Variants in ANXA8 observed in about 807,000 individuals in gnomAD.
The protein encoded by ANXA8 is VAC-beta.
ANXA8 carries 9 observed loss-of-function variants against 26.8 expected under a neutral mutation model. That is an observed-to-expected ratio of 0.34 (90% CI 0.20 to 0.59). The LOEUF is 0.59. Ranked by LOEUF, ANXA8 falls within the 20% of genes least tolerant of loss-of-function variation. The pLI is 0.84. For missense variants in ANXA8, 83 were observed against 238.5 expected (o/e 0.35, Z 4.29); for synonymous variants, 39 against 94.8 (o/e 0.41, Z 3.42).
chr10:47,895,295 G>A, the ANXA8 span, among the ~76,000 whole-genome samples: 10 of 152,324 alleles, frequency 6.6e-5, no homozygotes, highest in East Asian at 1.9e-3. Context: ...AGTGCTTGGA[G>A]GGACACCCCA....
the ANXA8 span, among the ~76,000 whole-genome samples, chr10:47,716,069 G>A: frequency 6.8e-6 from 1 of 147,790 alleles, no homozygotes; most frequent in African/African-American, 2.6e-5. Flanking sequence ...ACCACACCCA[G>A]CTATTTATTT....
the ANXA8 span, among the ~76,000 whole-genome samples, chr10:47,973,837 G>T: frequency 6.6e-6 from 1 of 151,126 alleles, no homozygotes; most frequent in Non-Finnish European, 1.5e-5. Flanking sequence ...TAATCAGTAG[G>T]ATTGGTACCA....
chr10:47,770,220 C>A, the ANXA8 span, among the ~76,000 whole-genome samples: 2 of 115,972 alleles, frequency 1.7e-5, no homozygotes, highest in African/African-American at 6.9e-5. Flanking sequence ...AACTTCCAAA[C>A]CATATCAGTG....
At chr10:47,481,624 G>A (rs1270533772) in intron 1 of ANXA8, among the ~76,000 whole-genome samples, 5 of 152,076 alleles carry the variant, frequency 3.3e-5, no homozygotes, top group Non-Finnish European at 7.4e-5. Flanking sequence ...TGAGGAGCAT[G>A]CAGTCCCGCA....
the ANXA8 span, among the ~76,000 whole-genome samples, chr10:47,556,426 T>A: frequency 6.6e-6 from 1 of 152,024 alleles, no homozygotes; most frequent in Admixed American, 6.5e-5. Context: ...TTCGCCATTT[T>A]AACTAGCATC....
chr10:47,606,871 G>A, the ANXA8 span, among the ~76,000 whole-genome samples: 1 of 152,058 alleles, frequency 6.6e-6, no homozygotes, highest in Admixed American at 6.5e-5. Flanking sequence ...AGTTAAAAAT[G>A]AATGAAGCCT....
the ANXA8 span, among the ~76,000 whole-genome samples, chr10:47,587,034 G>A: frequency 4.1e-5 from 6 of 146,414 alleles, no homozygotes; most frequent in African/African-American, 5.5e-5. Context: ...GTGAAATCCC[G>A]TCTCTACTAA....
chr10:47,571,560 T>TACAAA, the ANXA8 span, among the ~76,000 whole-genome samples: 1 of 149,138 alleles, frequency 6.7e-6, no homozygotes, highest in East Asian at 2.0e-4. Context: ...TGTAAATTTC[T>TACAAA]ACAAAACAAA....
the ANXA8 span, among the ~76,000 whole-genome samples, chr10:47,666,409 T>C: frequency 6.6e-6 from 1 of 151,248 alleles, no homozygotes; most frequent in Non-Finnish European, 1.5e-5. Flanking sequence ...TTATGTGCAT[T>C]ATCTCACTTA....
At chr10:47,504,748 T>G in the ANXA8 span, among the ~76,000 whole-genome samples, 1 of 138,974 alleles carries the variant, frequency 7.2e-6, no homozygotes, top group Non-Finnish European at 1.5e-5. Context: ...ACTAATGCAT[T>G]GTGCCTGTGT....
chr10:47,565,579 C>T, the ANXA8 span: 2 of 290,008 alleles, frequency 6.9e-6, no homozygotes, highest in South Asian at 1.3e-4. Flanking sequence ...GCCCGGACGC[C>T]GCGCCCAGGC....
chr10:47,701,916 A>AAG, the ANXA8 span, among the ~76,000 whole-genome samples: 972 of 151,600 alleles, frequency 6.4e-3, 14 homozygotes, highest in South Asian at 0.047. Flanking sequence ...AGCTGTGGAA[A>AAG]AGAGTATATT....
chr10:47,555,122 G>T, the ANXA8 span, among the ~76,000 whole-genome samples: 1 of 151,148 alleles, frequency 6.6e-6, no homozygotes, highest in Admixed American at 6.6e-5. Context: ...ATGCTCCCTC[G>T]CCTGGCTCCT....
the ANXA8 span, among the ~76,000 whole-genome samples, chr10:47,591,739 C>T: frequency 8.0e-6 from 1 of 125,636 alleles, no homozygotes; most frequent in Non-Finnish European, 1.6e-5. Flanking sequence ...AGCTACCGTG[C>T]CCAGCCAAGT....
the ANXA8 span, among the ~76,000 whole-genome samples, chr10:47,657,136 C>T: frequency 1.1e-4 from 16 of 151,306 alleles, no homozygotes; most frequent in Non-Finnish European, 1.9e-4. Context: ...AAGATATTGT[C>T]ACCACCACAC....
At chr10:47,513,059 G>T in the ANXA8 span, among the ~76,000 whole-genome samples, 3 of 134,158 alleles carry the variant, frequency 2.2e-5, no homozygotes, top group African/African-American at 9.3e-5. Context: ...TTGAGATGGA[G>T]TCTTGCTCTG....
the ANXA8 span, among the ~76,000 whole-genome samples, chr10:47,738,616 G>C: frequency 3.3e-5 from 5 of 150,646 alleles, no homozygotes; most frequent in Admixed American, 1.3e-4. Flanking sequence ...TCACTCTGTT[G>C]CCCAGGCTGG....
At chr10:47,695,293 C>T in the ANXA8 span, among the ~76,000 whole-genome samples, 3 of 151,186 alleles carry the variant, frequency 2.0e-5, no homozygotes, top group African/African-American at 4.9e-5. Context: ...GGGTTGCAGG[C>T]GGGACAAGCA....
At chr10:47,664,965 A>G in the ANXA8 span, among the ~76,000 whole-genome samples, 13 of 142,332 alleles carry the variant, frequency 9.1e-5, no homozygotes, top group Non-Finnish European at 1.6e-4. Context: ...AGGCTCAAGC[A>G]GTCCTCCCAC....
Sources: gnomAD v4.1 joint callset for allele counts (sites outside exome capture counted in the v4.1 genomes callset) on GRCh38, gnomAD v4.1.1 for gene constraint, MANE v1.5 for transcripts, NCBI Gene and HGNC (gene_info 2026-07-23, HGNC 2026-07-21) for gene names.